Variants in DAB2IP observed in about 807,000 individuals in gnomAD.
DAB2IP encodes DAB2 interacting protein, also known as disabled homolog 2-interacting protein.
Under a neutral mutation model 107.2 loss-of-function variants are expected in DAB2IP, and 28 were observed. The ratio of observed to expected loss-of-function variants is 0.26; its 90% CI spans 0.19 to 0.36. The LOEUF is 0.36. DAB2IP is among the 10% of genes least tolerant of loss of function. The pLI is 1.00. For missense variants in DAB2IP, 1,400 were observed against 1,644.7 expected (o/e 0.85, Z 2.57); for synonymous variants, 755 against 706.4 (o/e 1.07, Z -1.09).
At chr9:121,656,149 C>CA (rs1832963323) in intron 1 of DAB2IP, among the ~76,000 whole-genome samples, 1 of 152,132 alleles carries the variant, frequency 6.6e-6, no homozygotes, top group Non-Finnish European at 1.5e-5. Context: ...GCTGGGATTA[C>CA]AGGCATGCAC....
chr9:121,765,128 C>T lies in DAB2IP; in HGVS notation c.1460+1249C>T, dbSNP rs114645859. Among the ~76,000 whole-genome samples the T allele has an allele frequency of 5.6e-3, 851 of 152,310 alleles. 5 individuals are homozygous for T. Among genetic ancestry groups the T allele is most frequent in the African/African-American group, 0.017 (710 of 41,566 alleles). On this transcript the variant is annotated intron_variant, in intron 8 of 15. Transcript: ENST00000408936. The stretch of plus-strand genomic sequence containing the variant: ...TGTGCAGCTTTCCACACCCCTGGGC[C>T]GGTGGAGGAGAGCGACTGTAGGGCC...
At chr9:121,582,494 T>C (rs545234849) in intron 1 of DAB2IP, among the ~76,000 whole-genome samples, 45 of 152,204 alleles carry the variant, frequency 3.0e-4, no homozygotes, top group African/African-American at 1.0e-3. Context: ...GGTGTGCTTC[T>C]ACATTGCAGG....
At chr9:121,718,126 G>A (rs1359757337) in intron 3 of DAB2IP, among the ~76,000 whole-genome samples, 1 of 152,158 alleles carries the variant, frequency 6.6e-6, no homozygotes, top group Non-Finnish European at 1.5e-5. Flanking sequence ...CAGTCCCTCT[G>A]CCTGTGAAGG....
At chr9:121,641,933 CTT>C (rs1272370889) in intron 1 of DAB2IP, among the ~76,000 whole-genome samples, 8 of 133,594 alleles carry the variant, frequency 6.0e-5, no homozygotes, top group African/African-American at 8.6e-5. Context: ...TTCTTTCTTT[CTT>C]TCTCTCTTTC....
At chr9:121,753,309 C>G (rs905235115) in intron 3 of DAB2IP, among the ~76,000 whole-genome samples, 37 of 152,296 alleles carry the variant, frequency 2.4e-4, no homozygotes, top group African/African-American at 8.7e-4. Context: ...TGCCACCTCG[C>G]CTAGGGGACC....
intron 3 of DAB2IP, among the ~76,000 whole-genome samples, chr9:121,741,325 G>A (rs1048441284): frequency 1.3e-5 from 2 of 152,050 alleles, no homozygotes; most frequent in Non-Finnish European, 2.9e-5. Flanking sequence ...GAGCTCAGCC[G>A]GATCACATGC....
intron 1 of DAB2IP, among the ~76,000 whole-genome samples, chr9:121,671,472 G>T (rs1181677860): frequency 1.3e-5 from 2 of 152,188 alleles, no homozygotes; most frequent in African/African-American, 4.8e-5. Context: ...CATATTCACA[G>T]GTTCTGGGAA....
chr9:121,641,943 TTCTTTC>T (rs1832321930), intron 1 of DAB2IP, among the ~76,000 whole-genome samples: 1 of 130,264 alleles, frequency 7.7e-6, no homozygotes, highest in Admixed American at 7.9e-5. Context: ...CTTTCTCTCT[TTCTTTC>T]CTTTCTTTCT....
At chr9:121,593,648 T>C (rs1306378539) in intron 1 of DAB2IP, among the ~76,000 whole-genome samples, 1 of 144,832 alleles carries the variant, frequency 6.9e-6, no homozygotes, top group Admixed American at 7.2e-5. Context: ...TTTCTTTTTC[T>C]TTTTTTTCTT....
chr9:121,620,759 TGA>T (rs896282675), intron 1 of DAB2IP, among the ~76,000 whole-genome samples: 1 of 152,148 alleles, frequency 6.6e-6, no homozygotes, highest in African/African-American at 2.4e-5. Flanking sequence ...CTTGACCCTC[TGA>T]GGTCCTAACC....
At chr9:121,651,560 G>T (rs1012455793), upstream of DAB2IP, 388 of 735,988 alleles carry the variant, frequency 5.3e-4, 1 homozygote, top group Admixed American at 8.1e-4. The surrounding 1 kb of genome is among the most constrained non-coding windows in gnomAD (Gnocchi z 5.1). Flanking sequence ...CCGGCCTCCG[G>T]GTCCCCAGCC....
intron 3 of DAB2IP, among the ~76,000 whole-genome samples, chr9:121,711,173 C>T (rs1589561016): frequency 2.6e-5 from 4 of 152,134 alleles, no homozygotes; most frequent in Admixed American, 2.6e-4. Flanking sequence ...GTTCAGAGCA[C>T]CCATAGGAGT....
chr9:121,689,672 G>A (rs957421310), intron 2 of DAB2IP, among the ~76,000 whole-genome samples: 36 of 152,170 alleles, frequency 2.4e-4, no homozygotes, highest in African/African-American at 8.4e-4. Flanking sequence ...GGAAGTGCAG[G>A]GGAATCCTAC....
intron 3 of DAB2IP, among the ~76,000 whole-genome samples, chr9:121,710,559 G>C (rs546137765): frequency 1.3e-5 from 2 of 152,204 alleles, no homozygotes; most frequent in African/African-American, 4.8e-5. Flanking sequence ...CTGTGGCTGC[G>C]TTTGGATCTG....
Position 121,699,604 on chromosome 9 carries a change from C to A in DAB2IP, c.362+146C>A. The A allele has an allele frequency of 1.4e-6, 1 of 701,270 alleles. No individual in the cohort carries two copies. Among genetic ancestry groups the A allele is most frequent in the Non-Finnish European group, 1.9e-6 (1 of 536,904 alleles). 43.4% of individuals were successfully genotyped at this position (701,270 alleles called of 1,614,324 possible). A position where few individuals can be genotyped will look rare whatever the true frequency, so the allele number is the denominator to read the frequency against. ...GCCGCCCGCCGGGAACTTATGGGGC[C>A]ACCTCGGCCGGACTAGGGGGCCCGA... is the stretch of plus-strand genomic sequence containing the variant. On this transcript the variant is annotated intron_variant, in intron 3 of 15. Transcript: ENST00000408936. This position sits in a 1 kb window ranked among gnomAD's most constrained non-coding sequence, Gnocchi z 6.2.
chr9:121,678,910 T>C (rs906811113), intron 2 of DAB2IP, 129 bp downstream of exon 2: 2 of 874,200 alleles, frequency 2.3e-6, no homozygotes, highest in South Asian at 2.2e-5. Context: ...CGGCCTCCCT[T>C]GCTCTAGGTA....
intron 3 of DAB2IP, among the ~76,000 whole-genome samples, chr9:121,727,996 C>T (rs140661960): frequency 1.3e-3 from 192 of 152,312 alleles, no homozygotes; most frequent in African/African-American, 4.4e-3. Flanking sequence ...TCCAGTTCAG[C>T]AAACATTTCA....
chr9:121,665,958 G>A (rs527717820), intron 1 of DAB2IP, among the ~76,000 whole-genome samples: 6 of 152,324 alleles, frequency 3.9e-5, no homozygotes, highest in Admixed American at 6.5e-5. Context: ...TGTGGCTGCT[G>A]TAACAAATTA....
At chr9:121,770,521 C>G in intron 10 of DAB2IP, 25 bp from the exon 11 acceptor site, 1 of 1,606,760 alleles carries the variant, frequency 6.2e-7, no homozygotes. Flanking sequence ...GGAGGTCACA[C>G]CTGCCTCTTG....
Sources: allele counts gnomAD v4.1 joint callset (sites outside exome capture counted in the v4.1 genomes callset), GRCh38; gene constraint gnomAD v4.1.1; non-coding constraint Gnocchi (gnomAD v3.1); transcripts MANE v1.5; gene names NCBI Gene and HGNC (gene_info 2026-07-23, HGNC 2026-07-21).